Variants in DNAJA1 observed in about 807,000 individuals in gnomAD.
DNAJA1 encodes dnaJ homolog subfamily A member 1.
A neutral mutation model predicts 47.6 loss-of-function variants in DNAJA1; 26 were observed. That is an observed-to-expected ratio of 0.55 (90% confidence interval 0.40 to 0.76). The LOEUF (loss-of-function observed/expected upper bound fraction) is 0.76, where lower values mean the gene tolerates loss of function less well. Among genes scored for constraint, DNAJA1 ranks in the 30% least tolerant of loss-of-function variants. DNAJA1 has a pLI of 0.00. For synonymous variants in DNAJA1, 165 were observed against 158.4 expected (o/e 1.04, Z -0.31); for missense variants, 315 against 485.0 (o/e 0.65, Z 3.29).
intron 5 of DNAJA1, among the ~76,000 whole-genome samples, chr9:33,032,257 T>C (rs1411316467): frequency 6.6e-6 from 1 of 152,244 alleles, no homozygotes; most frequent in African/African-American, 2.4e-5. Context: ...AAGAATGTAG[T>C]ACATTGAAAG....
At position 33,026,934 on chromosome 9, in the gene DNAJA1, T is replaced by A; in HGVS notation, c.254T>A (p.Met85Lys). Reference sequence around the variant, plus strand: ...GCAGGTGGCGGTTTTGGCTCCCCCATGGACATCTTTGATATGTTTTTTGGA... The same window carrying A: ...GCAGGTGGCGGTTTTGGCTCCCCCAAGGACATCTTTGATATGTTTTTTGGA... The part of the protein sequence containing the change: ...GGAGGGFGSP[M>K]DIFDMFFGGG... Residue 85 changes from methionine to lysine, a missense_variant, in exon 3 of 9, where the codon ATG becomes AAG. By Grantham distance (95) the Met-to-Lys change is moderately conservative. Coordinates refer to ENST00000330899, the MANE Select transcript of DNAJA1 (RefSeq NM_001539.4). 2 of 1,614,104 alleles carry A rather than the reference T, an allele frequency of 1.2e-6. No individual in the cohort carries two copies. Among genetic ancestry groups the A allele is most frequent in the South Asian group, 2.2e-5 (2 of 91,084 alleles).
In DNAJA1 at chr9:33,038,756, G is replaced by A. The variant is rs148382351; in HGVS notation, c.1047G>A (p.Arg349=). The change falls in exon 9 of 9, where the codon AGG becomes AGA. Residue 349 remains arginine (R), a synonymous_variant. Transcript: ENST00000330899. ...LSLLEKLLPE[R]KEVEETDEMD... ...TGCTGGAAAAACTCCTACCCGAGAG[G>A]AAGGAAGTGGAAGAGACTGATGAGA... The A allele has an allele frequency of 6.2e-7, 1 of 1,614,172 alleles. No individual in the cohort carries two copies. Among genetic ancestry groups the A allele is most frequent in the South Asian group, 1.1e-5 (1 of 91,086 alleles).
chr9:33,031,539 C>T (rs1038382040), intron 5 of DNAJA1, among the ~76,000 whole-genome samples: 2 of 152,118 alleles, frequency 1.3e-5, no homozygotes, highest in East Asian at 1.9e-4. Context: ...TCAAGCGATT[C>T]TCCTGCCCCA....
intron 3 of DNAJA1, 44 bp from the exon 4 acceptor site, chr9:33,029,841 C>G (rs528687736): frequency 2.7e-6 from 4 of 1,487,664 alleles, no homozygotes; most frequent in African/African-American, 2.8e-5. Flanking sequence ...CAAATAAGAT[C>G]CAGCATCTTA....
intron 3 of DNAJA1, among the ~76,000 whole-genome samples, chr9:33,027,246 C>A (rs1467290176): frequency 1.3e-5 from 2 of 151,672 alleles, no homozygotes. Flanking sequence ...ACCTCCACCT[C>A]CCGGGTTCAA....
At chr9:33,025,569 T>G (rs1838797326) in intron 1 of DNAJA1, among the ~76,000 whole-genome samples, 186 bp downstream of exon 1, 1 of 152,112 alleles carries the variant, frequency 6.6e-6, no homozygotes, top group African/African-American at 2.4e-5. Flanking sequence ...GCACGCACAG[T>G]GAATGGGCCC....
At chr9:33,028,736 A>G (rs1344312566) in intron 3 of DNAJA1, among the ~76,000 whole-genome samples, 1 of 152,204 alleles carries the variant, frequency 6.6e-6, no homozygotes, top group Non-Finnish European at 1.5e-5. Context: ...TTCTGGGGAA[A>G]TGCGCTTCAT....
Position 33,030,002 on chromosome 9 carries a change from T to C in DNAJA1, c.415+13T>C, listed in dbSNP as rs780249843. On this transcript the variant is annotated intron_variant, in intron 4 of 8. Transcript: ENST00000330899. ...GACAAATGTGAAGGTACGGTGTTTT[T>C]TTGTTTTGTTTTGTTTTGTTTTTAA... The C allele has an allele frequency of 6.3e-7, 1 of 1,592,346 alleles. No individual in the cohort carries two copies. Among genetic ancestry groups the C allele is most frequent in the Middle Eastern group, 1.7e-4 (1 of 5,976 alleles).
chr9:33,032,187 C>T (rs1838972082), intron 5 of DNAJA1, among the ~76,000 whole-genome samples: 1 of 152,200 alleles, frequency 6.6e-6, no homozygotes, highest in African/African-American at 2.4e-5. Flanking sequence ...TAAGTGGCTG[C>T]AATAGGATTC....
chr9:33,030,991 C>A (rs112532435), intron 5 of DNAJA1, among the ~76,000 whole-genome samples: 77 of 152,332 alleles, frequency 5.1e-4, no homozygotes, highest in African/African-American at 1.8e-3. Flanking sequence ...TCTTTTAAAA[C>A]ATTAGAATTG....
At chr9:33,030,396 A>T in intron 4 of DNAJA1, 44 bp from the exon 5 acceptor site, 1 of 1,547,998 alleles carries the variant, frequency 6.5e-7, no homozygotes, top group Non-Finnish European at 8.8e-7. Flanking sequence ...ACTACTGTAT[A>T]CACTACTAAT....
chr9:33,035,268 A>G (rs1302081534), intron 6 of DNAJA1, among the ~76,000 whole-genome samples: 2 of 151,964 alleles, frequency 1.3e-5, no homozygotes, highest in Non-Finnish European at 2.9e-5. Context: ...GCCCTGAGGC[A>G]GGAGAATCAC....
chr9:33,026,233 T>C (rs193208596), intron 1 of DNAJA1, among the ~76,000 whole-genome samples: 21 of 152,360 alleles, frequency 1.4e-4, no homozygotes, highest in Admixed American at 3.3e-4. Flanking sequence ...AGCTTTGGTG[T>C]AGGAAAATTG....
chr9:33,039,562 A>ATAG lies in DNAJA1; in HGVS notation c.*660_*661insAGT, dbSNP rs1839089936. ...ATATATATATACATATATATATATAATCTTGACCAGTCCTGGTCATTTGCT... is the reference window on the plus strand; with the variant it reads ...ATATATATATACATATATATATATAATAGTCTTGACCAGTCCTGGTCATTTGCT... On this transcript the variant is annotated 3_prime_UTR_variant, in exon 9 of 9. Transcript: ENST00000330899. 1 of 105,252 alleles carries ATAG rather than the reference A, an allele frequency of 9.5e-6. No individual in the cohort carries two copies. The highest frequency in any genetic ancestry group is 3.4e-5 in the African/African-American group (1 of 29,452). The allele number at this position is 105,252 out of a possible 1,614,324, so 6.5% of individuals were successfully genotyped here. A position where few individuals can be genotyped will look rare whatever the true frequency, so the allele number is the denominator to read the frequency against.
chr9:33,026,877 AAGG>A lies in DNAJA1; in HGVS notation c.203_205del (p.Gly68del). 1 of 1,614,200 alleles carries A rather than the reference AAGG, an allele frequency of 6.2e-7. No homozygotes were observed. The highest frequency in any genetic ancestry group is 8.5e-7 in the Non-Finnish European group (1 of 1,180,038). On this transcript the variant is annotated inframe_deletion, in exon 3 of 9. Transcript: ENST00000330899. Reference sequence around the variant, plus strand: ...GCAAAGAAAAGGGAATTATATGACAAAGGAGGAGAACAGGCAATTAAAGAGGGT... The same window carrying A: ...GCAAAGAAAAGGGAATTATATGACAAAGGAGAACAGGCAATTAAAGAGGGT...
chr9:33,037,278 G>A (rs1839050724), intron 8 of DNAJA1, 163 bp downstream of exon 8: 1 of 453,008 alleles, frequency 2.2e-6, no homozygotes, highest in Admixed American at 4.0e-5. Flanking sequence ...TTTGAGAACA[G>A]CCTGGGCAAC....
chr9:33,035,688 C>T (rs755743843), intron 6 of DNAJA1, among the ~76,000 whole-genome samples: 6 of 151,384 alleles, frequency 4.0e-5, no homozygotes, highest in Admixed American at 1.3e-4. Context: ...AGGCTGGTAT[C>T]GAACTCCTGA....
intron 5 of DNAJA1, among the ~76,000 whole-genome samples, chr9:33,031,607 G>C (rs1406903739): frequency 6.6e-6 from 1 of 151,770 alleles, no homozygotes; most frequent in Non-Finnish European, 1.5e-5. Flanking sequence ...AATTTTTTTT[G>C]TATTTTTAGT....
chr9:33,031,919 T>C (rs1838968433), intron 5 of DNAJA1, among the ~76,000 whole-genome samples: 3 of 152,218 alleles, frequency 2.0e-5, no homozygotes, highest in Non-Finnish European at 1.5e-5. Context: ...CGGGATTTGA[T>C]TGATTTGTCA....
Sources: allele counts gnomAD v4.1 joint callset (sites outside exome capture counted in the v4.1 genomes callset), GRCh38; gene constraint gnomAD v4.1.1; transcripts MANE v1.5; gene names NCBI Gene and HGNC (gene_info 2026-07-23, HGNC 2026-07-21).